FOCAD: variants seen among roughly 807,000 people sequenced by gnomAD.
The protein encoded by FOCAD is KIAA1797.
Under a neutral mutation model 225.6 loss-of-function variants are expected in FOCAD, and 198 were observed. That is an observed-to-expected ratio of 0.88 (90% CI 0.78 to 0.99). The LOEUF is 0.99. FOCAD is among the 50% of genes least tolerant of loss of function. The pLI, the probability that FOCAD is intolerant of heterozygous loss-of-function variation, is 0.00. For missense variants in FOCAD, 2,713 were observed against 2,123.6 expected, an observed-to-expected ratio of 1.28 and a Z score of -5.46; for synonymous variants, 897 against 755.0, an observed-to-expected ratio of 1.19 and a Z score of -3.08.
intron 6 of FOCAD, among the ~76,000 whole-genome samples, chr9:20,762,385 T>G (rs894569945): frequency 6.6e-6 from 1 of 152,200 alleles, no homozygotes; most frequent in Non-Finnish European, 1.5e-5. Context: ...TATAAGTATT[T>G]GAGCTTATGA....
chr9:20,976,897 A>G (rs767841689), intron 36 of FOCAD, among the ~76,000 whole-genome samples: 23 of 152,182 alleles, frequency 1.5e-4, no homozygotes, highest in Non-Finnish European at 2.8e-4. Context: ...GGGATGCTGT[A>G]TTAATTTTCT....
At chr9:20,990,047 G>T in intron 41 of FOCAD, 76 bp from the exon 42 acceptor site, 1 of 1,560,550 alleles carries the variant, frequency 6.4e-7, no homozygotes, top group South Asian at 1.2e-5. Flanking sequence ...CTCACGACAG[G>T]GGCTGTGTAT....
rs757204204 is a variant in FOCAD, at chr9:20,717,814, T to A, written c.78T>A (p.Ala26=). The change falls in exon 3 of 44, where the codon GCT becomes GCA. Residue 26 remains alanine, a synonymous_variant. Transcript: ENST00000338382. ...IQSQAVGHLI[A]AVLKENGFSE... ...TTAAGGCTGTGGGTCATCTTATTGC[T>A]GCAGTCCTAAAGGAAAATGGTTTTT... The A allele has an allele frequency of 6.2e-7, 1 of 1,612,372 alleles. No individual in the cohort carries two copies. The highest frequency in any genetic ancestry group is 8.5e-7 in the Non-Finnish European group (1 of 1,179,384).
chr9:20,856,851 T>C (rs10115478), intron 15 of FOCAD, among the ~76,000 whole-genome samples: 90,283 of 151,898 alleles, frequency 0.59, 26,997 homozygotes, highest in East Asian at 0.67. Context: ...AGACTGTCCT[T>C]TCCCAGTGTA....
At chr9:20,951,205 G>T (rs1164308408) in intron 34 of FOCAD, 107 bp downstream of exon 34, 9 of 799,848 alleles carry the variant, frequency 1.1e-5, no homozygotes, top group African/African-American at 1.7e-5. Flanking sequence ...TAAGTAATGG[G>T]TATTACCATC....
chr9:20,701,894 A>G (rs1247311326), intron 1 of FOCAD, among the ~76,000 whole-genome samples: 1 of 152,188 alleles, frequency 6.6e-6, no homozygotes, highest in South Asian at 2.1e-4. Context: ...TTGATTTAAC[A>G]CGTATGTGCA....
intron 11 of FOCAD, among the ~76,000 whole-genome samples, chr9:20,814,333 C>T (rs1406848865): frequency 1.3e-5 from 2 of 151,432 alleles, no homozygotes; most frequent in Non-Finnish European, 2.9e-5. Context: ...TGATTCATCA[C>T]TCATTTTCTT....
Position 20,978,355 on chromosome 9 carries a change from A to G in FOCAD, c.4278A>G (p.Gln1426=), listed in dbSNP as rs1286745286. The G allele has an allele frequency of 4.4e-6, 7 of 1,606,206 alleles. No homozygotes were observed. The highest frequency in any genetic ancestry group is 3.3e-5 in the South Asian group (3 of 89,810). The change falls in exon 37 of 44, where the codon CAA becomes CAG. Residue 1426 remains glutamine, a synonymous_variant. Transcript: ENST00000338382. ...MRLNFGEEIQ[Q]LCLEIMVTQA... ...GACTTTCAGGTGAAGAGATCCAGCA[A>G]CTGTGCCTTGAAATTATGGTGACCC...
chr9:20,982,380 C>T lies in FOCAD; in HGVS notation c.4662C>T (p.Ile1554=), dbSNP rs147238626. Residue 1554 remains isoleucine (I), a synonymous_variant, in exon 39 of 44, where the codon ATC becomes ATT. Coordinates refer to ENST00000338382, the MANE Select transcript of FOCAD (RefSeq NM_001375567.1). ...AGAGAAAGGATCTAGAGCTGTATAT[C>T]AGCATAGCAAAATGCCTCTTAGAAA... The part of the protein sequence containing the change: ...KIRRKDLELY[I]SIAKCLLEMT... 4 of 1,613,658 alleles carry T rather than the reference C, an allele frequency of 2.5e-6. No individual in the cohort carries two copies. The highest frequency in any genetic ancestry group is 1.7e-5 in the Admixed American group (1 of 60,026).
At chr9:20,982,258 T>C (rs904776726) in intron 38 of FOCAD, 99 bp from the exon 39 acceptor site, 1 of 755,124 alleles carries the variant, frequency 1.3e-6, no homozygotes, top group Non-Finnish European at 2.1e-6. Context: ...TCTCATCAGC[T>C]GCTGTTCATG....
chr9:20,983,432 C>T (rs1187615291), intron 39 of FOCAD, among the ~76,000 whole-genome samples: 6 of 151,990 alleles, frequency 3.9e-5, no homozygotes, highest in Middle Eastern at 3.4e-3. Flanking sequence ...ATTAGCTGGG[C>T]GTAGTGGCAC....
At chr9:20,837,632 A>G (rs904567934) in intron 15 of FOCAD, among the ~76,000 whole-genome samples, 2 of 152,022 alleles carry the variant, frequency 1.3e-5, no homozygotes, top group African/African-American at 4.8e-5. Context: ...AATGACGTTA[A>G]TGTTTTGAAA....
upstream of FOCAD, among the ~76,000 whole-genome samples, chr9:20,679,960 C>T (rs964716624): frequency 5.9e-5 from 9 of 152,180 alleles, no homozygotes; most frequent in Non-Finnish European, 8.8e-5. Context: ...CAGAAATATT[C>T]CTCAGGCTGA....
chr9:20,976,416 A>G lies in FOCAD; in HGVS notation c.4133-4A>G, dbSNP rs751965717. ...TTACTATTATTTTTCACTGTCTGTTATAGGTCCTGAATCTGTGCCTCCTTC... is the reference window on the plus strand; with the variant it reads ...TTACTATTATTTTTCACTGTCTGTTGTAGGTCCTGAATCTGTGCCTCCTTC... On this transcript the variant is annotated splice_region_variant and splice_polypyrimidine_tract_variant and intron_variant, in intron 35 of 43. Transcript: ENST00000338382. The G allele has an allele frequency of 3.0e-5, 49 of 1,612,460 alleles. No homozygotes were observed. Among genetic ancestry groups the G allele is most frequent in the Admixed American group, 8.3e-5 (5 of 59,932 alleles).
chr9:20,797,486 A>G (rs891734119), intron 11 of FOCAD, among the ~76,000 whole-genome samples: 3 of 151,906 alleles, frequency 2.0e-5, no homozygotes, highest in African/African-American at 4.8e-5. Context: ...ATCCTCTTTT[A>G]TTTCCTTGAG....
chr9:20,784,488 T>C (rs1819712038), intron 10 of FOCAD, among the ~76,000 whole-genome samples: 1 of 152,056 alleles, frequency 6.6e-6, no homozygotes, highest in African/African-American at 2.4e-5. Context: ...GAAAAGTTTT[T>C]TTGGAGGGGA....
At position 20,986,463 on chromosome 9, in the gene FOCAD, C is replaced by T. The variant is rs545740798; in HGVS notation, c.4904C>T (p.Thr1635Met). The part of the protein sequence containing the change: ...YQARIVSHAN[T>M]GVLKRMEWLL... The stretch of plus-strand genomic sequence containing the variant: ...GCACGGATTGTGAGCCATGCCAATA[C>T]GGGTGAGGACACCCTGGGGTGAACA... Residue 1635 changes from threonine to methionine, a missense_variant and splice_region_variant, in exon 40 of 44, where the codon ACG (threonine) becomes ATG (methionine). Coordinates refer to ENST00000338382, the MANE Select transcript of FOCAD (RefSeq NM_001375567.1). The T allele has an allele frequency of 1.6e-4, 261 of 1,604,448 alleles. 2 individuals carry two copies. Among genetic ancestry groups the T allele is most frequent in the South Asian group, 1.1e-3 (96 of 89,476 alleles).
At chr9:20,732,088 C>T (rs2131611078) in intron 4 of FOCAD, among the ~76,000 whole-genome samples, 1 of 152,256 alleles carries the variant, frequency 6.6e-6, no homozygotes, top group African/African-American at 2.4e-5. Flanking sequence ...TAACTCTTTT[C>T]CCTAATGCTC....
At chr9:20,860,790 C>T (rs74678359) in intron 15 of FOCAD, among the ~76,000 whole-genome samples, 1,707 of 152,262 alleles carry the variant, frequency 0.011, 30 homozygotes, top group African/African-American at 0.038. Context: ...GGATTACAGG[C>T]GTGAGCCACC....
Sources: gnomAD v4.1 joint callset for allele counts (sites outside exome capture counted in the v4.1 genomes callset) on GRCh38, gnomAD v4.1.1 for gene constraint, MANE v1.5 for transcripts, NCBI Gene and HGNC (gene_info 2026-07-23, HGNC 2026-07-21) for gene names.